The following GRM7 variants were observed in gnomAD, a reference collection of about 807,000 sequenced individuals.
GRM7 encodes glutamate metabotropic receptor 7, also known as metabotropic glutamate receptor 7.
Under a neutral mutation model 84.5 loss-of-function variants are expected in GRM7, and 35 were observed. That is an observed-to-expected ratio of 0.41 (90% CI 0.32 to 0.55). The LOEUF (loss-of-function observed/expected upper bound fraction) is 0.55. GRM7 is among the 20% of genes least tolerant of loss of function. The probability of loss-of-function intolerance (pLI) is 0.19; values close to 1 mark genes in which losing one functional copy is unlikely to be tolerated. For synonymous variants in GRM7, 487 were observed against 455.1 expected (o/e 1.07, Z -0.89); for missense variants, 1,003 against 1,194.6 (o/e 0.84, Z 2.36).
intron 2 of GRM7, among the ~76,000 whole-genome samples, chr3:7,212,196 C>CT (rs35580518): frequency 0.68 from 98,335 of 145,144 alleles, 34,301 homozygotes; most frequent in African/African-American, 0.85. Context: ...TCCTTTGGGT[C>CT]TTTTTTTTTT....
chr3:7,405,986 A>G (rs1695658831), intron 4 of GRM7, among the ~76,000 whole-genome samples: 1 of 151,690 alleles, frequency 6.6e-6, no homozygotes. Context: ...TATATATATA[A>G]TGGTAATACT....
Position 7,126,277 on chromosome 3 carries a change from C to T in GRM7, c.520-20175C>T, listed in dbSNP as rs188515995. ...GGTACTTTGTTAAAATTTGAAATTA[C>T]TTTTCTGAAAATGCCATCTATTACC... On this transcript the variant is annotated intron_variant, in intron 1 of 9. Transcript: ENST00000357716. Among the ~76,000 whole-genome samples, 306 of 152,304 alleles carry T rather than the reference C, an allele frequency of 2.0e-3. 1 individual carries two copies. Among genetic ancestry groups the T allele is most frequent in the African/African-American group, 7.0e-3 (289 of 41,562 alleles).
chr3:7,447,789 T>A (rs1006247876), intron 5 of GRM7, among the ~76,000 whole-genome samples: 2 of 151,936 alleles, frequency 1.3e-5, no homozygotes, highest in African/African-American at 4.8e-5. Flanking sequence ...AGGGTACATG[T>A]GCATAATGTG....
intron 8 of GRM7, among the ~76,000 whole-genome samples, chr3:7,598,798 C>T (rs547276593): frequency 6.6e-5 from 10 of 152,118 alleles, no homozygotes; most frequent in East Asian, 3.9e-4. Flanking sequence ...TAAGTGTTTG[C>T]GTCAATAGTG....
chr3:7,533,547 T>A (rs1390640904), intron 7 of GRM7, among the ~76,000 whole-genome samples: 2 of 152,156 alleles, frequency 1.3e-5, no homozygotes, highest in Non-Finnish European at 2.9e-5. Context: ...GGCTAATTCA[T>A]CTTTATGCCT....
At chr3:7,365,677 A>C (rs1410764526) in intron 4 of GRM7, among the ~76,000 whole-genome samples, 1 of 144,964 alleles carries the variant, frequency 6.9e-6, no homozygotes, top group Non-Finnish European at 1.5e-5. Context: ...ACACACGCAC[A>C]CACACACACA....
chr3:7,612,952 A>G (rs1696910036), intron 8 of GRM7, among the ~76,000 whole-genome samples: 1 of 152,220 alleles, frequency 6.6e-6, no homozygotes, highest in Non-Finnish European at 1.5e-5. Context: ...TTACTTTTGC[A>G]GAGTAAACTA....
intron 2 of GRM7, among the ~76,000 whole-genome samples, chr3:7,293,475 T>A: frequency 6.6e-6 from 1 of 152,158 alleles, no homozygotes; most frequent in Non-Finnish European, 1.5e-5. Flanking sequence ...AAAGCTGAGG[T>A]GCTATGAATG....
chr3:6,894,279 A>T (rs1179994843), intron 1 of GRM7, among the ~76,000 whole-genome samples: 4 of 152,164 alleles, frequency 2.6e-5, no homozygotes, highest in Non-Finnish European at 4.4e-5. Context: ...ATTTGGTCTG[A>T]ATCTCCAAAG....
At chr3:7,391,706 A>G (rs182132868) in intron 4 of GRM7, among the ~76,000 whole-genome samples, 1 of 152,270 alleles carries the variant, frequency 6.6e-6, no homozygotes, top group African/African-American at 2.4e-5. Flanking sequence ...CTTAAAGTAT[A>G]ATAATAAAAA....
At chr3:7,372,751 A>G (rs543732175) in intron 4 of GRM7, among the ~76,000 whole-genome samples, 4 of 152,276 alleles carry the variant, frequency 2.6e-5, no homozygotes, top group African/African-American at 4.8e-5. Flanking sequence ...GCCATGTTAT[A>G]TCTTATCACA....
At chr3:7,001,720 G>A (rs1325386350) in intron 1 of GRM7, among the ~76,000 whole-genome samples, 2 of 152,182 alleles carry the variant, frequency 1.3e-5, no homozygotes, top group Non-Finnish European at 1.5e-5. Context: ...CGTGCTCAAT[G>A]TTAAGTTTTG....
chr3:6,929,445 T>C (rs1697420986), intron 1 of GRM7, among the ~76,000 whole-genome samples: 2 of 152,146 alleles, frequency 1.3e-5, no homozygotes, highest in South Asian at 4.1e-4. Flanking sequence ...AATTGAATAG[T>C]TATAAGGTGG....
At chr3:7,214,954 A>G (rs1296973204) in intron 2 of GRM7, among the ~76,000 whole-genome samples, 2 of 152,200 alleles carry the variant, frequency 1.3e-5, no homozygotes, top group Non-Finnish European at 2.9e-5. Flanking sequence ...CTCATTCACA[A>G]ATAATGACAT....
intron 1 of GRM7, among the ~76,000 whole-genome samples, chr3:6,930,030 T>C (rs2125043678): frequency 6.6e-6 from 1 of 152,324 alleles, no homozygotes; most frequent in East Asian, 1.9e-4. Flanking sequence ...ATAAAGCTAA[T>C]GTTCAGGCAA....
At chr3:6,936,336 G>A (rs73019741) in intron 1 of GRM7, among the ~76,000 whole-genome samples, 1 of 152,156 alleles carries the variant, frequency 6.6e-6, no homozygotes, top group Admixed American at 6.6e-5. Flanking sequence ...AGCCTAGAGG[G>A]TGGTTTTCCA....
chr3:7,360,252 T>C (rs1693604032), intron 4 of GRM7, among the ~76,000 whole-genome samples: 1 of 147,288 alleles, frequency 6.8e-6, no homozygotes, highest in Admixed American at 6.8e-5. Flanking sequence ...CGCAAGCCAT[T>C]TTTATTAGGA....
At chr3:7,252,522 G>A (rs912595670) in intron 2 of GRM7, among the ~76,000 whole-genome samples, 7 of 152,068 alleles carry the variant, frequency 4.6e-5, no homozygotes, top group Non-Finnish European at 2.9e-5. Flanking sequence ...CTTGATTGGA[G>A]GATTTAGTTA....
intron 7 of GRM7, among the ~76,000 whole-genome samples, chr3:7,516,164 C>CA (rs35256206): frequency 0.18 from 5,470 of 30,532 alleles, 732 homozygotes; most frequent in Non-Finnish European, 0.22. Flanking sequence ...CACCATATCT[C>CA]AAAAAAAAAA....
Sources: gnomAD v4.1 joint callset for allele counts (sites outside exome capture counted in the v4.1 genomes callset) on GRCh38, gnomAD v4.1.1 for gene constraint, MANE v1.5 for transcripts, NCBI Gene and HGNC (gene_info 2026-07-23, HGNC 2026-07-21) for gene names.